Variants in ARHGAP15 observed in about 807,000 individuals in gnomAD.
ARHGAP15 encodes the protein rho GTPase-activating protein 15.
A neutral mutation model predicts 63.7 loss-of-function variants in ARHGAP15; 51 were observed. The observed-to-expected ratio is 0.80, with a 90% CI of 0.64 to 1.01. The LOEUF (loss-of-function observed/expected upper bound fraction) is 1.01. Among genes scored for constraint, ARHGAP15 ranks in the 50% least tolerant of loss-of-function variants. ARHGAP15 has a pLI of 0.00. For synonymous variants in ARHGAP15, 191 were observed against 193.8 expected (o/e 0.99, Z 0.12); for missense variants, 560 against 564.6 (o/e 0.99, Z 0.08).
chr2:143,695,150 TA>T (rs1002830598), intron 12 of ARHGAP15, among the ~76,000 whole-genome samples: 15 of 151,848 alleles, frequency 9.9e-5, no homozygotes, highest in African/African-American at 1.2e-4. Flanking sequence ...TTTTTTTAAT[TA>T]AAAAAAAGGT....
intron 6 of ARHGAP15, among the ~76,000 whole-genome samples, chr2:143,271,837 A>G (rs2105053243): frequency 6.6e-6 from 1 of 152,292 alleles, no homozygotes. Context: ...ATTCACTCTC[A>G]TCTTGAAGGA....
intron 8 of ARHGAP15, among the ~76,000 whole-genome samples, chr2:143,467,242 C>CTTTTTTTTTTTTTTTTTTT (rs202115707): frequency 1.2e-4 from 7 of 57,914 alleles, no homozygotes; most frequent in Admixed American, 2.5e-4. Flanking sequence ...ACTCCATGGC[C>CTTTTTTTTTTTTTTTTTTT]TTTTTTTTTT....
intron 9 of ARHGAP15, among the ~76,000 whole-genome samples, chr2:143,500,243 A>C (rs2104931086): frequency 6.7e-6 from 1 of 149,546 alleles, no homozygotes; most frequent in Admixed American, 6.6e-5. Flanking sequence ...TATTTTATAT[A>C]TTTTTATATA....
intron 12 of ARHGAP15, among the ~76,000 whole-genome samples, chr2:143,641,509 C>G (rs774781004): frequency 9.2e-5 from 14 of 152,100 alleles, no homozygotes; most frequent in Non-Finnish European, 1.8e-4. Context: ...TTTCATGTTA[C>G]ATCTCATCAA....
intron 6 of ARHGAP15, among the ~76,000 whole-genome samples, chr2:143,298,583 T>C (rs1682753915): frequency 6.6e-6 from 1 of 151,948 alleles, no homozygotes; most frequent in Admixed American, 6.6e-5. Flanking sequence ...TGAATCTCAT[T>C]TGAGCAAATC....
At position 143,600,990 on chromosome 2, in the gene ARHGAP15, TGTCACAAGCCAGATTTG is replaced by T. The variant is rs535775749; in HGVS notation, c.1004-23136_1004-23120del. Among the ~76,000 whole-genome samples, 815 of 152,286 alleles carry T rather than the reference TGTCACAAGCCAGATTTG, an allele frequency of 5.4e-3. 5 individuals are homozygous for T. The highest frequency in any genetic ancestry group is 0.019 in the African/African-American group (778 of 41,572). The stretch of plus-strand genomic sequence containing the variant: ...ACCTATTTTTAAAGTACATTGTATA[TGTCACAAGCCAGATTTG>T]GTCACAGGCCATGGTTTGCTAATCT... On this transcript the variant is annotated intron_variant, in intron 11 of 13. Coordinates refer to ENST00000295095, the MANE Select transcript of ARHGAP15 (RefSeq NM_018460.4).
intron 10 of ARHGAP15, among the ~76,000 whole-genome samples, chr2:143,524,562 T>C (rs1694184411): frequency 6.6e-6 from 1 of 152,220 alleles, no homozygotes; most frequent in Admixed American, 6.5e-5. Context: ...TTATAGCAAC[T>C]TGGAAAAAGG....
Position 143,330,135 on chromosome 2 carries a change from AAAAC to A in ARHGAP15, c.474+79539_474+79542del, listed in dbSNP as rs1238795824. ...AAAAAAAAAAAAAAAAAAAAAACCAAAAACAAAAAACTAAACTAATGATTAATAA... is the reference window on the plus strand; with the variant it reads ...AAAAAAAAAAAAAAAAAAAAAACCAAAAAAAACTAAACTAATGATTAATAA... On this transcript the variant is annotated intron_variant, in intron 6 of 13. Coordinates refer to ENST00000295095, the MANE Select transcript of ARHGAP15 (RefSeq NM_018460.4). Among the ~76,000 whole-genome samples the A allele has an allele frequency of 1.0e-3, 138 of 131,852 alleles. 9 individuals are homozygous for A. Among genetic ancestry groups the A allele is most frequent in the Middle Eastern group, 3.8e-3 (1 of 266 alleles). The allele number at this position is 131,852 out of a possible 152,430, so 86.5% of individuals were successfully genotyped here.
At chr2:143,479,759 G>GA (rs142327011) in intron 8 of ARHGAP15, among the ~76,000 whole-genome samples, 10,080 of 147,740 alleles carry the variant, frequency 0.068, 441 homozygotes, top group Non-Finnish European at 0.099. Context: ...TTGTTTTAAG[G>GA]AAAAAAAAAA....
rs139973790 is a variant in ARHGAP15, at chr2:143,534,509, G to C, written c.925+15145G>C. Among the ~76,000 whole-genome samples the C allele has an allele frequency of 1.8e-3, 269 of 151,908 alleles. 1 individual carries two copies. Among genetic ancestry groups the C allele is most frequent in the African/African-American group, 5.7e-3 (235 of 41,382 alleles). ...GCAGTCCTTACCCAGAGAAGAGACAGGCCTGGCTCAGAGATCTGATGATTT... is the reference window on the plus strand; with the variant it reads ...GCAGTCCTTACCCAGAGAAGAGACACGCCTGGCTCAGAGATCTGATGATTT... On this transcript the variant is annotated intron_variant, in intron 10 of 13. Transcript: ENST00000295095.
At chr2:143,252,712 A>C (rs1348673830) in intron 6 of ARHGAP15, among the ~76,000 whole-genome samples, 1 of 152,050 alleles carries the variant, frequency 6.6e-6, no homozygotes, top group African/African-American at 2.4e-5. Flanking sequence ...AGTTTTGGTA[A>C]AACTGACTAA....
At chr2:143,362,711 A>G (rs567313971) in intron 6 of ARHGAP15, among the ~76,000 whole-genome samples, 1 of 152,204 alleles carries the variant, frequency 6.6e-6, no homozygotes, top group Admixed American at 6.5e-5. Flanking sequence ...CTACCATAAT[A>G]AATGAACTAC....
chr2:143,385,004 G>A lies in ARHGAP15; in HGVS notation c.475-50597G>A, dbSNP rs574980262. 2.0e-5 allele frequency among the ~76,000 whole-genome samples: 3 copies of A among 152,282 alleles called. No individual in the cohort carries two copies. The East Asian group carries it at 5.8e-4, about 29-fold the overall frequency. On this transcript the variant is annotated intron_variant, in intron 6 of 13. Coordinates refer to ENST00000295095, the MANE Select transcript of ARHGAP15 (RefSeq NM_018460.4). ...CAAAAGCCCATACTGTCAAGCACTT[G>A]ATAGAAGCCCTAGGCTACCATTTTA...
chr2:143,140,705 T>G (rs75432225), intron 1 of ARHGAP15, among the ~76,000 whole-genome samples: 11,685 of 152,170 alleles, frequency 0.077, 1,121 homozygotes, highest in South Asian at 0.24. Flanking sequence ...TGTTTAATTT[T>G]CCTTTGAGGA....
chr2:143,601,161 A>T (rs1183297236), intron 11 of ARHGAP15, among the ~76,000 whole-genome samples: 2 of 152,162 alleles, frequency 1.3e-5, no homozygotes, highest in Non-Finnish European at 2.9e-5. Context: ...CGAACAACTT[A>T]TCTCACTTAC....
At chr2:143,232,354 C>T (rs557094477) in intron 5 of ARHGAP15, among the ~76,000 whole-genome samples, 1 of 152,324 alleles carries the variant, frequency 6.6e-6, no homozygotes, top group African/African-American at 2.4e-5. Flanking sequence ...AACATACTCT[C>T]TCTTTTGCTC....
intron 6 of ARHGAP15, among the ~76,000 whole-genome samples, chr2:143,386,615 A>G (rs1272914637): frequency 6.6e-6 from 1 of 152,158 alleles, no homozygotes; most frequent in Non-Finnish European, 1.5e-5. Flanking sequence ...CAGCACACAC[A>G]TGTACACATA....
At chr2:143,486,813 A>G (rs535600597) in intron 8 of ARHGAP15, among the ~76,000 whole-genome samples, 11 of 152,194 alleles carry the variant, frequency 7.2e-5, no homozygotes, top group Non-Finnish European at 1.6e-4. Flanking sequence ...TTTGAGGCAA[A>G]TTATGTTTCT....
intron 6 of ARHGAP15, among the ~76,000 whole-genome samples, chr2:143,407,266 G>A (rs1574404239): frequency 6.6e-6 from 1 of 151,670 alleles, no homozygotes. Flanking sequence ...TCTTAACTCA[G>A]CCTCATAAGC....
Sources: allele counts gnomAD v4.1 joint callset (sites outside exome capture counted in the v4.1 genomes callset), GRCh38; gene constraint gnomAD v4.1.1; transcripts MANE v1.5; gene names NCBI Gene and HGNC (gene_info 2026-07-23, HGNC 2026-07-21).